OAF: variants seen among roughly 807,000 people sequenced by gnomAD.
OAF encodes out at first homolog, also known as out at first protein homolog.
A neutral mutation model predicts 22.5 loss-of-function variants in OAF; 13 were observed. The ratio of observed to expected loss-of-function variants is 0.58; its 90% confidence interval spans 0.38 to 0.92. The LOEUF (loss-of-function observed/expected upper bound fraction) is 0.92, where lower values mean the gene tolerates loss of function less well. OAF is among the 40% of genes least tolerant of loss of function. OAF has a pLI of 0.00. For synonymous variants in OAF, 175 were observed against 170.5 expected, an observed-to-expected ratio of 1.03 and a Z score of -0.21; for missense variants, 347 against 381.8, an observed-to-expected ratio of 0.91 and a Z score of 0.76.
intron 1 of OAF, among the ~76,000 whole-genome samples, chr11:120,220,758 G>C (rs1938270755): frequency 6.6e-6 from 1 of 152,232 alleles, no homozygotes; most frequent in Non-Finnish European, 1.5e-5. Context: ...GGGTGACACA[G>C]CATCGCTCAT....
intron 1 of OAF, among the ~76,000 whole-genome samples, chr11:120,219,530 C>T (rs1370462180): frequency 2.0e-5 from 3 of 152,214 alleles, no homozygotes; most frequent in Non-Finnish European, 4.4e-5. Context: ...GTGCTGAGCA[C>T]AGGATGTCTG....
chr11:120,229,369 A>AATTTTTTAAT lies in OAF; in HGVS notation c.*227_*228insATTTTTTAAT. On this transcript the variant is annotated 3_prime_UTR_variant, in exon 4 of 4. Transcript: ENST00000328965. The stretch of plus-strand genomic sequence containing the variant: ...CCCACCCTGTGCCTTCCTTGCGGGC[A>AATTTTTTAAT]GAGAGGGAGAGAAGGGCTCCCCAGA... 3.2e-6 allele frequency: 1 copy of AATTTTTTAAT among 308,030 alleles called. No individual in the cohort carries two copies. Among genetic ancestry groups the AATTTTTTAAT allele is most frequent in the Non-Finnish European group, 5.5e-6 (1 of 180,854 alleles). 19.1% of individuals were successfully genotyped at this position (308,030 alleles called of 1,614,324 possible). A position where few individuals can be genotyped will look rare whatever the true frequency, so the allele number is the denominator to read the frequency against.
At position 120,227,649 on chromosome 11, in the gene OAF, G is replaced by A. The variant is rs563497529; in HGVS notation, c.547+653G>A. Among the ~76,000 whole-genome samples the A allele has an allele frequency of 2.1e-3, 324 of 152,178 alleles. 1 individual carries two copies. Among genetic ancestry groups the A allele is most frequent in the African/African-American group, 7.2e-3 (297 of 41,520 alleles). ...CCTTCCTGACCTCTGTGACTTCAGCGCTGACCCCTCTCTGGGTACCTTTTC... is the reference window on the plus strand; with the variant it reads ...CCTTCCTGACCTCTGTGACTTCAGCACTGACCCCTCTCTGGGTACCTTTTC... On this transcript the variant is annotated intron_variant, in intron 3 of 3. Transcript: ENST00000328965.
chr11:120,211,834 C>G (rs1246547875), intron 1 of OAF, among the ~76,000 whole-genome samples: 2 of 152,158 alleles, frequency 1.3e-5, no homozygotes, highest in Non-Finnish European at 2.9e-5. Flanking sequence ...TGGGAAAGTC[C>G]TAGGCGAAGT....
intron 1 of OAF, among the ~76,000 whole-genome samples, chr11:120,220,936 T>C (rs1938273456): frequency 6.6e-6 from 1 of 152,036 alleles, no homozygotes; most frequent in Admixed American, 6.6e-5. Context: ...GATGATTGGG[T>C]GGGGGCACTG....
chr11:120,215,108 G>A (rs1938192299), intron 1 of OAF, among the ~76,000 whole-genome samples: 1 of 152,212 alleles, frequency 6.6e-6, no homozygotes, highest in Non-Finnish European at 1.5e-5. Context: ...CACTTTGGGA[G>A]GCTGAGGCAG....
At position 120,229,764 on chromosome 11, in the gene OAF, G is replaced by T. The variant is rs1316834650; in HGVS notation, c.*622G>T. ...TCACAGACCACGAGTGCCTTTCCCG[G>T]ACCTGGACGTTGCCTCCAGAGCAGG... On this transcript the variant is annotated 3_prime_UTR_variant, in exon 4 of 4. Transcript: ENST00000328965. 2 of 152,864 alleles carry T rather than the reference G, an allele frequency of 1.3e-5. No individual in the cohort carries two copies. Among genetic ancestry groups the T allele is most frequent in the Non-Finnish European group, 2.9e-5 (2 of 68,212 alleles). 9.5% of individuals were successfully genotyped at this position (152,864 alleles called of 1,614,324 possible).
chr11:120,211,143 G>A lies in OAF; in HGVS notation c.-137G>A. The A allele has an allele frequency of 3.0e-6, 1 of 332,670 alleles. No homozygotes were observed. The highest frequency in any genetic ancestry group is 4.9e-6 in the Non-Finnish European group (1 of 203,458). 20.6% of individuals were successfully genotyped at this position (332,670 alleles called of 1,614,324 possible). On this transcript the variant is annotated 5_prime_UTR_variant, in exon 1 of 4. Transcript: ENST00000328965. The stretch of plus-strand genomic sequence containing the variant: ...CGTGCGTCCGCGCCACCTCGCGGGC[G>A]ACCCCGCGGCCAAGGCCCCCGGCGG...
chr11:120,212,846 C>T (rs1591357201), intron 1 of OAF, among the ~76,000 whole-genome samples: 1 of 141,548 alleles, frequency 7.1e-6, no homozygotes, highest in Non-Finnish European at 1.5e-5. Context: ...GGGTAGTGAG[C>T]GTTCACAAAT....
chr11:120,218,001 G>A (rs1317530862), intron 1 of OAF, among the ~76,000 whole-genome samples: 1 of 152,216 alleles, frequency 6.6e-6, no homozygotes. Context: ...GGGTGAGAGG[G>A]AAGCATGGAG....
intron 1 of OAF, among the ~76,000 whole-genome samples, chr11:120,221,925 GCAGTCC>G (rs1188178292): frequency 1.3e-5 from 2 of 152,152 alleles, no homozygotes; most frequent in Non-Finnish European, 2.9e-5. Context: ...GAGCCTGCCT[GCAGTCC>G]CTGTTGTAGG....
intron 1 of OAF, among the ~76,000 whole-genome samples, chr11:120,215,845 G>A (rs1938204948): frequency 6.6e-6 from 1 of 152,154 alleles, no homozygotes; most frequent in South Asian, 2.1e-4. Flanking sequence ...TGACCGGATG[G>A]GGAGGGTGAT....
chr11:120,215,749 G>A (rs912142070), intron 1 of OAF, among the ~76,000 whole-genome samples: 1 of 152,228 alleles, frequency 6.6e-6, no homozygotes, highest in Admixed American at 6.5e-5. Flanking sequence ...ATTCTTGCCA[G>A]TTTCTCTTTC....
At chr11:120,228,821 T>TGCCAAA in intron 3 of OAF, 47 bp from the exon 4 acceptor site, 57 of 520,258 alleles carry the variant, frequency 1.1e-4, no homozygotes, top group Non-Finnish European at 1.3e-4. Flanking sequence ...GGGAGCTCCT[T>TGCCAAA]CCCTCCCTCC....
rs752703302 is a variant in OAF, at chr11:120,211,404, A to G, written c.125A>G (p.Gln42Arg). 1.9e-4 allele frequency: 285 copies of G among 1,516,804 alleles called. No individual in the cohort carries two copies. The highest frequency in any genetic ancestry group is 5.7e-4 in the Middle Eastern group (3 of 5,232). The allele number at this position is 1,516,804 out of a possible 1,614,324, so 94.0% of individuals were successfully genotyped here. ...GTCCGCGTGCGGCTGCCGGACGGCC[A>G]GGTGACCGAGGAGAGCCTGCAGGCG... ...LRVRVRLPDGQVTEESLQADS... is the reference protein window; with the variant it reads ...LRVRVRLPDGRVTEESLQADS... The change falls in exon 1 of 4, where the codon CAG (glutamine) becomes CGG (arginine). Residue 42 changes from glutamine (Q) to arginine (R), a missense_variant. Transcript: ENST00000328965.
chr11:120,211,933 C>T (rs1047781579), intron 1 of OAF, among the ~76,000 whole-genome samples: 1 of 152,172 alleles, frequency 6.6e-6, no homozygotes, highest in Non-Finnish European at 1.5e-5. Flanking sequence ...GCTTCTCACC[C>T]CTGTACAGGG....
Position 120,211,427 on chromosome 11 carries a change from G to A in OAF, c.148G>A (p.Ala50Thr). The change falls in exon 1 of 4, where the codon GCG becomes ACG. Residue 50 changes from alanine to threonine, a missense_variant. Transcript: ENST00000328965. ...CCAGGTGACCGAGGAGAGCCTGCAG[G>A]CGGACAGCGACGCGGACAGCATCAG... ...DGQVTEESLQ[A>T]DSDADSISLE... is the part of the protein sequence containing the mutation. 6.4e-7 allele frequency: 1 copy of A among 1,560,066 alleles called. No individual in the cohort carries two copies. Among genetic ancestry groups the A allele is most frequent in the Non-Finnish European group, 8.6e-7 (1 of 1,156,530 alleles).
At position 120,215,531 on chromosome 11, in the gene OAF, G is replaced by A. The variant is rs566766194; in HGVS notation, c.231+4021G>A. Among the ~76,000 whole-genome samples, 86 of 152,254 alleles carry A rather than the reference G, an allele frequency of 5.6e-4. 1 individual carries two copies. In the South Asian group the frequency reaches 0.012, roughly 21 times the overall value. On this transcript the variant is annotated intron_variant, in intron 1 of 3. Coordinates refer to ENST00000328965, the MANE Select transcript of OAF (RefSeq NM_178507.4). ...GTGTTTTGAGCAGCACATATACTTC[G>A]GGCCTAATGCTGTGTGCCCTCAGTA...
At chr11:120,211,944 C>T (rs1027009161) in intron 1 of OAF, among the ~76,000 whole-genome samples, 1 of 152,142 alleles carries the variant, frequency 6.6e-6, no homozygotes, top group Non-Finnish European at 1.5e-5. Context: ...CTGTACAGGG[C>T]ACTGAGGGGT....
Sources: allele counts gnomAD v4.1 joint callset (sites outside exome capture counted in the v4.1 genomes callset), GRCh38; gene constraint gnomAD v4.1.1; transcripts MANE v1.5; gene names NCBI Gene and HGNC (gene_info 2026-07-23, HGNC 2026-07-21).